Variants in HTT observed in about 807,000 individuals in gnomAD.
HTT encodes the protein huntingtin.
A neutral mutation model predicts 362.3 loss-of-function variants in HTT; 104 were observed. The ratio of observed to expected loss-of-function variants is 0.29; its 90% CI spans 0.24 to 0.34. The LOEUF is 0.34. HTT is among the 10% of genes least tolerant of loss of function. The pLI is 1.00. For missense variants in HTT, 3,301 were observed against 3,928.6 expected (o/e 0.84, Z 4.27); for synonymous variants, 1,577 against 1,548.7 (o/e 1.02, Z -0.43).
intron 18 of HTT, among the ~76,000 whole-genome samples, chr4:3,133,324 TAA>T (rs61554059): frequency 3.6e-4 from 43 of 118,658 alleles, no homozygotes; most frequent in Non-Finnish European, 3.1e-4. Flanking sequence ...TACAGAAAAT[TAA>T]AAAAAAAAAA....
chr4:3,240,080 G>A lies in HTT; in HGVS notation c.*21G>A. On this transcript the variant is annotated 3_prime_UTR_variant, in exon 67 of 67. Transcript: ENST00000355072. ...GCTGAGCGCCATGGTGGGAGAGACT[G>A]TGAGGCGGCAGCTGGGGCCGGAGCC... is the stretch of plus-strand genomic sequence containing the variant. 2 of 1,558,346 alleles carry A rather than the reference G, an allele frequency of 1.3e-6. No homozygotes were observed. Among genetic ancestry groups the A allele is most frequent in the South Asian group, 2.3e-5 (2 of 85,354 alleles).
intron 37 of HTT, among the ~76,000 whole-genome samples, chr4:3,186,071 AAAAC>A (rs970075581): frequency 6.6e-6 from 1 of 152,242 alleles, no homozygotes; most frequent in African/African-American, 2.4e-5. Flanking sequence ...CAAAACAACT[AAAAC>A]AAAACCTCTG....
intron 14 of HTT, 141 bp from the exon 15 acceptor site, chr4:3,131,145 G>A: frequency 1.5e-6 from 1 of 658,202 alleles, no homozygotes; most frequent in Non-Finnish European, 2.7e-6. Context: ...GAGGTCAGGT[G>A]TGCATATGGG....
At chr4:3,154,928 T>C (rs1717068128) in intron 27 of HTT, among the ~76,000 whole-genome samples, 1 of 152,142 alleles carries the variant, frequency 6.6e-6, no homozygotes, top group Admixed American at 6.5e-5. Context: ...GACCTTTTTT[T>C]ACCCATGAAA....
chr4:3,209,445 G>A (rs1720029501), intron 46 of HTT, among the ~76,000 whole-genome samples: 1 of 152,198 alleles, frequency 6.6e-6, no homozygotes, highest in Non-Finnish European at 1.5e-5. Context: ...ATAAGAAAGC[G>A]AAGGTTCAGT....
chr4:3,184,002 G>A (rs1277796083), intron 37 of HTT, among the ~76,000 whole-genome samples: 1 of 151,956 alleles, frequency 6.6e-6, no homozygotes, highest in Non-Finnish European at 1.5e-5. Flanking sequence ...GTTGGGATGC[G>A]GGTAAGGGGA....
chr4:3,201,681 G>A (rs1052581786), intron 41 of HTT, among the ~76,000 whole-genome samples: 4 of 152,106 alleles, frequency 2.6e-5, no homozygotes, highest in African/African-American at 4.8e-5. Flanking sequence ...TCCCCGTGGT[G>A]GAAGGAAAAA....
intron 61 of HTT, among the ~76,000 whole-genome samples, chr4:3,233,860 A>G (rs1401471816): frequency 6.6e-6 from 1 of 152,214 alleles, no homozygotes; most frequent in East Asian, 1.9e-4. Context: ...AGCTCTTCAC[A>G]GCGATGTCTT....
intron 19 of HTT, 44 bp downstream of exon 19, chr4:3,134,584 T>G (rs1301205446): frequency 2.6e-6 from 4 of 1,555,850 alleles, no homozygotes; most frequent in Non-Finnish European, 3.5e-6. Context: ...TAAGCTCAAT[T>G]GAAAGTTCTG....
At chr4:3,229,088 C>T in intron 59 of HTT, 79 bp downstream of exon 59, 2 of 1,395,842 alleles carry the variant, frequency 1.4e-6, no homozygotes, top group Non-Finnish European at 2.0e-6. Context: ...CACACACACA[C>T]CGCCCACACA....
intron 1 of HTT, among the ~76,000 whole-genome samples, chr4:3,085,211 C>T (rs1713145856): frequency 6.6e-6 from 1 of 151,690 alleles, no homozygotes; most frequent in Non-Finnish European, 1.5e-5. Context: ...AATCTTGGTG[C>T]ACTGCAACCT....
In HTT at chr4:3,240,845, A is replaced by T. The variant is rs539444154; in HGVS notation, c.*786A>T. 6.6e-6 allele frequency: 1 copy of T among 152,636 alleles called. No homozygotes were observed. The highest frequency in any genetic ancestry group is 3.4e-3 in the Middle Eastern group (1 of 298). 9.5% of individuals were successfully genotyped at this position (152,636 alleles called of 1,614,324 possible). A position where few individuals can be genotyped will look rare whatever the true frequency, so the allele number is the denominator to read the frequency against. On this transcript the variant is annotated 3_prime_UTR_variant, in exon 67 of 67. Transcript: ENST00000355072. ...TTTATGCATTCACAAGGTGACTGGG[A>T]TGTAGAGAGGCGTTAGTGGGCAGGT...
chr4:3,107,463 C>T (rs768279888), intron 6 of HTT, 40 bp downstream of exon 6: 3 of 1,607,596 alleles, frequency 1.9e-6, no homozygotes, highest in Non-Finnish European at 2.6e-6. Flanking sequence ...GCGAGTGATG[C>T]TGTGAGTGAG....
rs533839510 is a variant in HTT at position 3,228,149 on chromosome 4, C to T, written c.7849-466C>T. On this transcript the variant is annotated intron_variant, in intron 57 of 66. Coordinates refer to ENST00000355072, the MANE Select transcript of HTT (RefSeq NM_001388492.1). The surrounding 1 kb of genome is among the most constrained non-coding windows in gnomAD (Gnocchi z 4.3). Reference sequence around the variant, plus strand: ...AGAACCAGGCAGAAAGGAGGACAGTCGAGGTGTGCTGACTGCGTGGTGGCT... The same window carrying T: ...AGAACCAGGCAGAAAGGAGGACAGTTGAGGTGTGCTGACTGCGTGGTGGCT... 3.7e-4 allele frequency among the ~76,000 whole-genome samples: 57 copies of T among 152,232 alleles called. No individual in the cohort carries two copies. Among genetic ancestry groups the T allele is most frequent in the Non-Finnish European group, 7.1e-4 (48 of 68,002 alleles).
At chr4:3,097,111 C>G (rs1713894662) in intron 2 of HTT, among the ~76,000 whole-genome samples, 1 of 151,880 alleles carries the variant, frequency 6.6e-6, no homozygotes. Flanking sequence ...AGAATGAGAC[C>G]CTGTCTCAAA....
intron 29 of HTT, among the ~76,000 whole-genome samples, chr4:3,171,580 C>T (rs537930337): frequency 5.2e-4 from 79 of 151,814 alleles, no homozygotes; most frequent in Admixed American, 7.2e-4. Flanking sequence ...CTGGTTCAAG[C>T]GATTCTCCTG....
intron 28 of HTT, among the ~76,000 whole-genome samples, chr4:3,157,739 G>A (rs1368897999): frequency 6.6e-6 from 1 of 151,988 alleles, no homozygotes; most frequent in African/African-American, 2.4e-5. Context: ...TTCTGTCTAG[G>A]GATGTTTTAG....
intron 26 of HTT, among the ~76,000 whole-genome samples, chr4:3,151,031 T>A (rs1716856385): frequency 1.3e-5 from 2 of 150,258 alleles, no homozygotes; most frequent in Non-Finnish European, 2.9e-5. Flanking sequence ...AGAGCGAGAC[T>A]CTGTCTCAAA....
intron 40 of HTT, among the ~76,000 whole-genome samples, chr4:3,198,316 C>T (rs751422559): frequency 3.8e-4 from 56 of 148,050 alleles, no homozygotes; most frequent in Non-Finnish European, 7.7e-4. Flanking sequence ...CCCCTGCCTC[C>T]TGGGTTCAAG....
Sources: gnomAD v4.1 joint callset for allele counts (sites outside exome capture counted in the v4.1 genomes callset) on GRCh38, gnomAD v4.1.1 for gene constraint, Gnocchi (gnomAD v3.1) non-coding constraint, MANE v1.5 for transcripts, NCBI Gene and HGNC (gene_info 2026-07-23, HGNC 2026-07-21) for gene names.